Variants in PAPPA observed in about 807,000 individuals in gnomAD.
PAPPA encodes pappalysin 1.
PAPPA carries 60 observed loss-of-function variants against 164.0 expected under a neutral mutation model. That is an observed-to-expected ratio of 0.37 (90% CI 0.30 to 0.45). The LOEUF (loss-of-function observed/expected upper bound fraction) is 0.45, where lower values mean the gene tolerates loss of function less well. Ranked by LOEUF, PAPPA falls within the 20% of genes least tolerant of loss-of-function variation. The pLI, the probability that PAPPA is intolerant of heterozygous loss-of-function variation, is 1.00. For missense variants in PAPPA, 1,782 were observed against 2,087.3 expected, an observed-to-expected ratio of 0.85 and a Z score of 2.85; for synonymous variants, 875 against 814.1, an observed-to-expected ratio of 1.07 and a Z score of -1.27.
chr9:116,336,666 CA>C (rs1194974856), intron 13 of PAPPA, among the ~76,000 whole-genome samples: 1 of 152,212 alleles, frequency 6.6e-6, no homozygotes, highest in Non-Finnish European at 1.5e-5. Flanking sequence ...ACCACTGAAA[CA>C]TATCGATTGA....
At chr9:116,296,737 G>C (rs1845513479) in intron 9 of PAPPA, among the ~76,000 whole-genome samples, 1 of 152,166 alleles carries the variant, frequency 6.6e-6, no homozygotes, top group African/African-American at 2.4e-5. Flanking sequence ...AACAACCTTT[G>C]TAAGGGTGTG....
chr9:116,276,572 T>G (rs1450732162), intron 9 of PAPPA, among the ~76,000 whole-genome samples: 1 of 152,216 alleles, frequency 6.6e-6, no homozygotes, highest in Non-Finnish European at 1.5e-5. Context: ...AATCTCCGAT[T>G]TGTCAAACAG....
intron 7 of PAPPA, among the ~76,000 whole-genome samples, chr9:116,255,289 T>C: frequency 6.6e-6 from 1 of 152,048 alleles, no homozygotes; most frequent in East Asian, 1.9e-4. Flanking sequence ...TTTATAATTG[T>C]TACATCTCTG....
intron 18 of PAPPA, 74 bp from the exon 19 acceptor site, chr9:116,367,571 A>C: frequency 9.3e-7 from 1 of 1,079,446 alleles, no homozygotes; most frequent in Non-Finnish European, 1.4e-6. Context: ...GGGAGGGCCC[A>C]CTCTGCAGGA....
At chr9:116,304,149 T>C (rs1564217524) in intron 10 of PAPPA, among the ~76,000 whole-genome samples, 1 of 152,212 alleles carries the variant, frequency 6.6e-6, no homozygotes, top group African/African-American at 2.4e-5. Context: ...TGTGGTTGCA[T>C]TTATCATACT....
At chr9:116,202,218 G>C (rs1844179756) in intron 2 of PAPPA, among the ~76,000 whole-genome samples, 1 of 152,110 alleles carries the variant, frequency 6.6e-6, no homozygotes, top group Non-Finnish European at 1.5e-5. Flanking sequence ...TGTTGTTGCT[G>C]TTGTTGTTTT....
chr9:116,345,436 GAA>G (rs55953344), intron 14 of PAPPA, among the ~76,000 whole-genome samples: 88,365 of 143,000 alleles, frequency 0.62, 28,257 homozygotes, highest in East Asian at 0.71. Flanking sequence ...ACATTGATGA[GAA>G]AAAAAAAAAA....
At chr9:116,352,974 A>C in intron 16 of PAPPA, 58 bp downstream of exon 16, 1 of 1,277,070 alleles carries the variant, frequency 7.8e-7, no homozygotes, top group Non-Finnish European at 1.1e-6. Flanking sequence ...GTTAGGTTCA[A>C]ATGCCTGACT....
intron 1 of PAPPA, among the ~76,000 whole-genome samples, chr9:116,176,965 AC>A (rs3037574): frequency 0.37 from 48,141 of 129,506 alleles, 8,166 homozygotes; most frequent in Middle Eastern, 0.42. Context: ...GAGAGGAAAG[AC>A]CCCCCCCCCC....
chr9:116,169,848 G>A (rs1843756799), intron 1 of PAPPA, among the ~76,000 whole-genome samples: 1 of 151,796 alleles, frequency 6.6e-6, no homozygotes, highest in East Asian at 1.9e-4. Context: ...TGTGTAGAAT[G>A]GATTGCATGA....
intron 1 of PAPPA, among the ~76,000 whole-genome samples, chr9:116,175,842 TCATTGC>T (rs1255951199): frequency 6.6e-6 from 1 of 152,094 alleles, no homozygotes; most frequent in Non-Finnish European, 1.5e-5. Flanking sequence ...TCAACAGTGA[TCATTGC>T]CATGAAAAAA....
chr9:116,184,043 G>A (rs1364207936), intron 1 of PAPPA, among the ~76,000 whole-genome samples: 1 of 152,146 alleles, frequency 6.6e-6, no homozygotes, highest in Non-Finnish European at 1.5e-5. Flanking sequence ...GAAAGAGAGA[G>A]GGAAAAAGGA....
chr9:116,377,514 A>G, intron 19 of PAPPA, 62 bp from the exon 20 acceptor site: 2 of 1,177,406 alleles, frequency 1.7e-6, no homozygotes, highest in South Asian at 1.2e-5. Context: ...TGTAATGCCA[A>G]CACGGAGGTG....
At chr9:116,241,858 ACTTT>A (rs1341729108) in intron 7 of PAPPA, among the ~76,000 whole-genome samples, 1 of 151,772 alleles carries the variant, frequency 6.6e-6, no homozygotes, top group Non-Finnish European at 1.5e-5. Flanking sequence ...CTGAGTCACC[ACTTT>A]CTTTCTTCCT....
intron 13 of PAPPA, among the ~76,000 whole-genome samples, chr9:116,341,531 T>C (rs1198889520): frequency 2.0e-5 from 3 of 152,214 alleles, no homozygotes; most frequent in Non-Finnish European, 4.4e-5. Context: ...CTATACAAAG[T>C]GCCTTGCCCC....
In PAPPA at chr9:116,374,021, T is replaced by C. The variant is rs558140004; in HGVS notation, c.4606-3555T>C. Among the ~76,000 whole-genome samples, 5 of 151,578 alleles carry C rather than the reference T, an allele frequency of 3.3e-5. No individual in the cohort carries two copies. The South Asian group carries it at 8.3e-4, about 25-fold the overall frequency. ...GTGCCGATGAGGATGAGGATACTGA[T>C]GGTGATGATGATATTGACGTTGGTG... On this transcript the variant is annotated intron_variant, in intron 19 of 21. Coordinates refer to ENST00000328252, the MANE Select transcript of PAPPA (RefSeq NM_002581.5).
chr9:116,244,125 G>A (rs1348944382), intron 7 of PAPPA, among the ~76,000 whole-genome samples: 2 of 152,094 alleles, frequency 1.3e-5, no homozygotes, highest in African/African-American at 4.8e-5. Context: ...ATTAGGATAA[G>A]CAAAAGGGCT....
chr9:116,321,960 C>T (rs939274816), intron 10 of PAPPA, among the ~76,000 whole-genome samples: 3 of 152,208 alleles, frequency 2.0e-5, no homozygotes, highest in Non-Finnish European at 4.4e-5. Context: ...ACAGACTTTG[C>T]GTCAGACGAG....
chr9:116,217,701 T>A (rs1844392886), intron 4 of PAPPA, among the ~76,000 whole-genome samples: 1 of 152,088 alleles, frequency 6.6e-6, no homozygotes. Flanking sequence ...TGTACTAACA[T>A]TTATCATGGG....
Sources: gnomAD v4.1 joint callset for allele counts (sites outside exome capture counted in the v4.1 genomes callset) on GRCh38, gnomAD v4.1.1 for gene constraint, MANE v1.5 for transcripts, NCBI Gene and HGNC (gene_info 2026-07-23, HGNC 2026-07-21) for gene names.